SLC24A3: variants seen among roughly 807,000 people sequenced by gnomAD.
SLC24A3 encodes sodium/potassium/calcium exchanger 3.
SLC24A3 carries 28 observed loss-of-function variants against 75.8 expected under a neutral mutation model. The ratio of observed to expected loss-of-function variants is 0.37; its 90% CI spans 0.27 to 0.51. The LOEUF (loss-of-function observed/expected upper bound fraction) is 0.51, where lower values mean the gene tolerates loss of function less well. Among genes scored for constraint, SLC24A3 ranks in the 20% least tolerant of loss-of-function variants. The pLI is 0.94. For synonymous variants in SLC24A3, 372 were observed against 334.1 expected (o/e 1.11, Z -1.24); for missense variants, 663 against 847.8 (o/e 0.78, Z 2.71).
chr20:19,563,356 C>A (rs989696001), intron 3 of SLC24A3, among the ~76,000 whole-genome samples: 2 of 152,060 alleles, frequency 1.3e-5, no homozygotes, highest in Admixed American at 6.5e-5. Context: ...CAAGAAGTTG[C>A]CTGCTTGAGA....
At chr20:19,357,177 G>A (rs567971389) in intron 2 of SLC24A3, among the ~76,000 whole-genome samples, 2 of 152,242 alleles carry the variant, frequency 1.3e-5, no homozygotes, top group South Asian at 2.1e-4. Flanking sequence ...AGAGATTGGG[G>A]TGATGCAGTC....
At chr20:19,491,922 C>A (rs985816929) in intron 2 of SLC24A3, among the ~76,000 whole-genome samples, 2 of 152,084 alleles carry the variant, frequency 1.3e-5, no homozygotes, top group Non-Finnish European at 2.9e-5. Context: ...AGTTAAGGGA[C>A]CTGGGCAGGG....
intron 15 of SLC24A3, among the ~76,000 whole-genome samples, chr20:19,711,418 A>G (rs1600352891): frequency 1.3e-5 from 2 of 152,318 alleles, no homozygotes; most frequent in South Asian, 2.1e-4. Flanking sequence ...AGGCAAATGC[A>G]CACACACATG....
chr20:19,293,189 C>T (rs1277348747), intron 2 of SLC24A3, among the ~76,000 whole-genome samples: 3 of 152,028 alleles, frequency 2.0e-5, no homozygotes, highest in Non-Finnish European at 4.4e-5. Context: ...TCCATTTTAA[C>T]CACAAATACT....
chr20:19,415,344 T>G (rs1294555449), intron 2 of SLC24A3, among the ~76,000 whole-genome samples: 1 of 152,160 alleles, frequency 6.6e-6, no homozygotes, highest in Non-Finnish European at 1.5e-5. Context: ...TCCTGTGCCT[T>G]GATTGTGCAG....
chr20:19,655,362 C>G (rs1427468016), intron 7 of SLC24A3, among the ~76,000 whole-genome samples: 2 of 152,116 alleles, frequency 1.3e-5, no homozygotes, highest in African/African-American at 2.4e-5. Flanking sequence ...TGGGGAAAAA[C>G]TCATACTCTT....
rs75365203 is a variant in SLC24A3, at chr20:19,421,526, G to T, written c.272-93962G>T. Among the ~76,000 whole-genome samples the T allele has an allele frequency of 1.0e-3, 159 of 152,298 alleles. 1 individual carries two copies. The highest frequency in any genetic ancestry group is 3.4e-3 in the African/African-American group (141 of 41,554). On this transcript the variant is annotated intron_variant, in intron 2 of 16. Transcript: ENST00000328041. ...CTTCAACAGCTGAGCCTGAACAAGG[G>T]CTTCAGTTTAGGAGGAGGAGACAGG...
At chr20:19,685,916 A>G (rs573295303) in intron 12 of SLC24A3, among the ~76,000 whole-genome samples, 1 of 152,296 alleles carries the variant, frequency 6.6e-6, no homozygotes, top group East Asian at 1.9e-4. Flanking sequence ...TCCAGACACA[A>G]TGATCTGGTG....
chr20:19,491,256 T>C (rs780230859), intron 2 of SLC24A3, among the ~76,000 whole-genome samples: 6 of 152,212 alleles, frequency 3.9e-5, no homozygotes, highest in Non-Finnish European at 7.3e-5. Flanking sequence ...GTCCTCTGAA[T>C]ATGCTTCTCA....
intron 2 of SLC24A3, among the ~76,000 whole-genome samples, chr20:19,338,366 C>T (rs1471764914): frequency 1.5e-4 from 23 of 152,170 alleles, no homozygotes; most frequent in Admixed American, 1.5e-3. Flanking sequence ...ATTTCTTCCT[C>T]TGACATTCTC....
At chr20:19,296,048 C>A (rs911511736) in intron 2 of SLC24A3, among the ~76,000 whole-genome samples, 1 of 152,048 alleles carries the variant, frequency 6.6e-6, no homozygotes, top group African/African-American at 2.4e-5. Context: ...TGTTATTGGT[C>A]TATTCAGGGA....
chr20:19,608,061 A>C (rs898021089), intron 6 of SLC24A3, among the ~76,000 whole-genome samples: 4 of 152,224 alleles, frequency 2.6e-5, no homozygotes, highest in Non-Finnish European at 5.9e-5. Flanking sequence ...TAAAAGTGCA[A>C]GTCATTTTTG....
intron 2 of SLC24A3, among the ~76,000 whole-genome samples, chr20:19,318,806 C>T (rs1161477592): frequency 6.6e-6 from 1 of 152,180 alleles, no homozygotes; most frequent in Non-Finnish European, 1.5e-5. Context: ...GTCCCCAGAA[C>T]TGCTGTCCTG....
At chr20:19,667,296 G>T (rs962530353) in intron 8 of SLC24A3, among the ~76,000 whole-genome samples, 1 of 152,214 alleles carries the variant, frequency 6.6e-6, no homozygotes, top group African/African-American at 2.4e-5. Flanking sequence ...GAATCATAGT[G>T]ACCAATAGGC....
intron 2 of SLC24A3, among the ~76,000 whole-genome samples, chr20:19,358,287 G>T (rs993484032): frequency 6.6e-6 from 1 of 152,172 alleles, no homozygotes; most frequent in Non-Finnish European, 1.5e-5. Flanking sequence ...GCAGGCCCCC[G>T]AGGTCTAAGA....
chr20:19,423,674 G>A (rs574432120), intron 2 of SLC24A3, among the ~76,000 whole-genome samples: 1 of 152,166 alleles, frequency 6.6e-6, no homozygotes, highest in Non-Finnish European at 1.5e-5. Flanking sequence ...AAGGAAGCAG[G>A]AATCCTGATA....
At chr20:19,693,135 C>T in intron 12 of SLC24A3, 124 bp from the exon 13 acceptor site, 1 of 1,002,106 alleles carries the variant, frequency 1.0e-6, no homozygotes. Context: ...AGAAAAAGAG[C>T]AATATAATAA....
intron 1 of SLC24A3, among the ~76,000 whole-genome samples, chr20:19,257,003 G>A (rs1012184174): frequency 1.3e-5 from 2 of 152,014 alleles, no homozygotes; most frequent in African/African-American, 2.4e-5. Context: ...CTGCTGCACC[G>A]AACCCTCTCT....
At chr20:19,720,545 G>A (rs2033093492) in intron 16 of SLC24A3, among the ~76,000 whole-genome samples, 1 of 65,026 alleles carries the variant, frequency 1.5e-5, no homozygotes, top group Admixed American at 1.9e-4. Context: ...TGTGGGGAGG[G>A]AGGAACTTCT....
Sources: gnomAD v4.1 joint callset for allele counts (sites outside exome capture counted in the v4.1 genomes callset) on GRCh38, gnomAD v4.1.1 for gene constraint, MANE v1.5 for transcripts, NCBI Gene and HGNC (gene_info 2026-07-23, HGNC 2026-07-21) for gene names.